The following CYTH3 variants were observed in gnomAD, a reference collection of about 807,000 sequenced individuals.
CYTH3 encodes cytohesin-3.
CYTH3 carries 23 observed loss-of-function variants against 55.1 expected under a neutral mutation model. The observed-to-expected ratio is 0.42, with a 90% CI of 0.30 to 0.59. CYTH3 has a LOEUF of 0.59. Ranked by LOEUF, CYTH3 falls within the 20% of genes least tolerant of loss-of-function variation. The pLI is 0.20. For missense variants in CYTH3, 413 were observed against 524.8 expected, an observed-to-expected ratio of 0.79 and a Z score of 2.08; for synonymous variants, 249 against 194.9, an observed-to-expected ratio of 1.28 and a Z score of -2.31.
At chr7:6,248,479 CCT>C (rs1779880305) in intron 1 of CYTH3, among the ~76,000 whole-genome samples, 1 of 152,150 alleles carries the variant, frequency 6.6e-6, no homozygotes, top group African/African-American at 2.4e-5. Flanking sequence ...TCTAACTCTC[CCT>C]GTCTAGACCT....
intron 1 of CYTH3, among the ~76,000 whole-genome samples, chr7:6,204,957 G>T (rs1413221195): frequency 6.6e-6 from 1 of 152,032 alleles, no homozygotes; most frequent in Non-Finnish European, 1.5e-5. Flanking sequence ...TTGAGCCCAG[G>T]AGTTCAAGGC....
rs1780084704 is a variant in CYTH3, at chr7:6,255,758, G to GCT, written c.34+16715_34+16716insAG. ...ACTACCCAAGTTTGACCTTTAATCT[G>GCT]TTTTTTTTTTTTTTTTTTTTTTTGA... On this transcript the variant is annotated intron_variant, in intron 1 of 12. Transcript: ENST00000350796. Among the ~76,000 whole-genome samples, 522 of 89,386 alleles carry GCT rather than the reference G, an allele frequency of 5.8e-3. 9 individuals carry two copies. The highest frequency in any genetic ancestry group is 0.024 in the African/African-American group (495 of 20,368). The allele number at this position is 89,386 out of a possible 152,430, so 58.6% of individuals were successfully genotyped here.
rs950107315 is a variant in CYTH3, at chr7:6,164,632, G to C, written c.*312C>G. 3 of 410,244 alleles carry C rather than the reference G, an allele frequency of 7.3e-6. No homozygotes were observed. The highest frequency in any genetic ancestry group is 6.1e-5 in the African/African-American group (3 of 49,316). 25.4% of individuals were successfully genotyped at this position (410,244 alleles called of 1,614,324 possible). On this transcript the variant is annotated 3_prime_UTR_variant, in exon 13 of 13. Transcript: ENST00000350796. Reference sequence around the variant, plus strand: ...TGGCTTCTCCCCCTAGGGGCGCCGGGATGGTCGCAGGAAGGAAATGCTTCT... The same window carrying C: ...TGGCTTCTCCCCCTAGGGGCGCCGGCATGGTCGCAGGAAGGAAATGCTTCT...
intron 1 of CYTH3, among the ~76,000 whole-genome samples, chr7:6,193,574 C>G (rs979309499): frequency 3.9e-5 from 6 of 152,168 alleles, no homozygotes; most frequent in African/African-American, 7.2e-5. Context: ...CCCACAGTGG[C>G]GTAGACCAAG....
At chr7:6,199,267 G>A (rs1354304277) in intron 1 of CYTH3, among the ~76,000 whole-genome samples, 1 of 152,172 alleles carries the variant, frequency 6.6e-6, no homozygotes, top group Non-Finnish European at 1.5e-5. Context: ...CAGGTTTGTA[G>A]GAATTTAAAG....
At chr7:6,253,248 A>G (rs1323587907) in intron 1 of CYTH3, among the ~76,000 whole-genome samples, 1 of 148,200 alleles carries the variant, frequency 6.7e-6, no homozygotes, top group Non-Finnish European at 1.5e-5. Flanking sequence ...ACAGAGTCAT[A>G]CTGTGTTCAC....
intron 1 of CYTH3, among the ~76,000 whole-genome samples, chr7:6,201,008 C>T (rs188173814): frequency 6.4e-4 from 97 of 152,330 alleles, no homozygotes; most frequent in Non-Finnish European, 1.2e-3. Context: ...TAATCCTCTA[C>T]TTCGGCCTCC....
In CYTH3 at chr7:6,187,986, T is replaced by C. The variant is rs189535634; in HGVS notation, c.118-265A>G. Among the ~76,000 whole-genome samples the C allele has an allele frequency of 5.9e-5, 9 of 151,388 alleles. No homozygotes were observed. In the East Asian group the frequency reaches 1.5e-3, roughly 26 times the overall value. ...CTCTGCAGATCCTAGGGTATTTGTA[T>C]ATAAAATCAGGCAAGCACACTGGGG... On this transcript the variant is annotated intron_variant, in intron 2 of 12. Coordinates refer to ENST00000350796, the MANE Select transcript of CYTH3 (RefSeq NM_004227.4).
Position 6,173,658 on chromosome 7 carries a change from G to A in CYTH3, c.444C>T (p.Ala148=). ...HEFADLNLVQ[A]LRQFLWSFRL... is the part of the protein sequence containing the mutation. ...CAGCAAATGATCATACTTACCTTAA[G>A]GCTTGTACAAGGTTGAGATCAGCAA... is the stretch of plus-strand genomic sequence containing the variant. The change falls in exon 6 of 13, where the codon GCC becomes GCT. Residue 148 remains alanine (A), a synonymous_variant. Transcript: ENST00000350796. The A allele has an allele frequency of 6.2e-7, 1 of 1,605,242 alleles. No homozygotes were observed. Among genetic ancestry groups the A allele is most frequent in the South Asian group, 1.1e-5 (1 of 90,874 alleles).
intron 1 of CYTH3, among the ~76,000 whole-genome samples, chr7:6,222,041 C>G (rs1264147180): frequency 6.6e-6 from 1 of 152,198 alleles, no homozygotes; most frequent in Non-Finnish European, 1.5e-5. Flanking sequence ...CGTGACCAGA[C>G]AGAAGGACTT....
chr7:6,241,923 G>A (rs1432094111), intron 1 of CYTH3, among the ~76,000 whole-genome samples: 2 of 152,124 alleles, frequency 1.3e-5, no homozygotes, highest in African/African-American at 4.8e-5. Context: ...TATTATAATT[G>A]CATAAATAAA....
At chr7:6,230,738 G>C (rs1489672619) in intron 1 of CYTH3, among the ~76,000 whole-genome samples, 1 of 151,934 alleles carries the variant, frequency 6.6e-6, no homozygotes, top group Non-Finnish European at 1.5e-5. Flanking sequence ...ATGAAAACAA[G>C]TCTACAACAT....
At chr7:6,238,572 C>T (rs949179675) in intron 1 of CYTH3, among the ~76,000 whole-genome samples, 1 of 152,056 alleles carries the variant, frequency 6.6e-6, no homozygotes, top group African/African-American at 2.4e-5. Context: ...AAAAGAAAGC[C>T]CTTCAGTGAA....
intron 4 of CYTH3, among the ~76,000 whole-genome samples, chr7:6,184,826 A>G (rs1372881653): frequency 6.6e-6 from 1 of 151,950 alleles, no homozygotes; most frequent in East Asian, 1.9e-4. Flanking sequence ...GATCTGCCCA[A>G]CTGGGCCTCC....
chr7:6,209,595 C>T (rs1230151621), intron 1 of CYTH3, among the ~76,000 whole-genome samples: 1 of 152,148 alleles, frequency 6.6e-6, no homozygotes, highest in African/African-American at 2.4e-5. Flanking sequence ...CAATACGATC[C>T]AGCAACTGCC....
chr7:6,259,781 T>A (rs1583204328), intron 1 of CYTH3, among the ~76,000 whole-genome samples: 1 of 19,122 alleles, frequency 5.2e-5, no homozygotes, highest in African/African-American at 9.3e-4. Flanking sequence ...ATTATATATA[T>A]ATAATATATA....
intron 1 of CYTH3, among the ~76,000 whole-genome samples, chr7:6,268,086 T>G (rs1780550175): frequency 6.6e-6 from 1 of 151,926 alleles, no homozygotes; most frequent in Non-Finnish European, 1.5e-5. Flanking sequence ...CCAGGGAATC[T>G]GCATGCATCA....
intron 1 of CYTH3, among the ~76,000 whole-genome samples, chr7:6,196,239 C>T (rs1562891232): frequency 6.6e-6 from 1 of 152,110 alleles, no homozygotes; most frequent in Non-Finnish European, 1.5e-5. Flanking sequence ...ATGCGCACCA[C>T]ACTTAGCGTT....
chr7:6,185,522 C>A (rs907099904), intron 4 of CYTH3, among the ~76,000 whole-genome samples: 9 of 151,934 alleles, frequency 5.9e-5, no homozygotes, highest in East Asian at 1.9e-4. Context: ...CAGTGAAACC[C>A]CGTCTCTACT....
Sources: gnomAD v4.1 joint callset for allele counts (sites outside exome capture counted in the v4.1 genomes callset) on GRCh38, gnomAD v4.1.1 for gene constraint, MANE v1.5 for transcripts, NCBI Gene and HGNC (gene_info 2026-07-23, HGNC 2026-07-21) for gene names.